Variants in KLRG1 observed in about 807,000 individuals in gnomAD.
KLRG1 encodes the protein killer cell lectin like receptor G1.
Under a neutral mutation model 21.8 loss-of-function variants are expected in KLRG1, and 16 were observed. The ratio of observed to expected loss-of-function variants is 0.73; its 90% CI spans 0.50 to 1.11. KLRG1 has a LOEUF of 1.11. KLRG1 is among the 50% of genes most tolerant of loss of function. The pLI, the probability that KLRG1 is intolerant of heterozygous loss-of-function variation, is 0.00. For missense variants in KLRG1, 173 were observed against 218.3 expected (o/e 0.79, Z 1.31); for synonymous variants, 69 against 75.9 (o/e 0.91, Z 0.47).
At chr12:9,103,146 A>G in the KLRG1 span, among the ~76,000 whole-genome samples, 3 of 152,202 alleles carry the variant, frequency 2.0e-5, no homozygotes, top group African/African-American at 7.2e-5. Flanking sequence ...ATATATATTT[A>G]AAACTAAATG....
the KLRG1 span, chr12:9,112,604 C>A: frequency 6.4e-7 from 1 of 1,561,436 alleles, no homozygotes; most frequent in Non-Finnish European, 8.8e-7. Flanking sequence ...TTTGCTGTTG[C>A]ACTCTTCCCT....
chr12:9,062,014 T>G, the KLRG1 span, among the ~76,000 whole-genome samples: 7 of 151,608 alleles, frequency 4.6e-5, no homozygotes, highest in Admixed American at 4.6e-4. Context: ...ATGGATAATA[T>G]ATCTGATATA....
At chr12:9,094,346 T>TAG in the KLRG1 span, among the ~76,000 whole-genome samples, 1 of 132,946 alleles carries the variant, frequency 7.5e-6, no homozygotes, top group African/African-American at 2.7e-5. Flanking sequence ...TGTGCATATA[T>TAG]ATATATATAT....
the KLRG1 span, among the ~76,000 whole-genome samples, chr12:9,019,411 C>T: frequency 6.6e-6 from 1 of 152,162 alleles, no homozygotes; most frequent in South Asian, 2.1e-4. Context: ...AGCAATACCA[C>T]TGCTAAGTAT....
At chr12:9,113,977 C>T in the KLRG1 span, among the ~76,000 whole-genome samples, 1 of 152,164 alleles carries the variant, frequency 6.6e-6, no homozygotes, top group African/African-American at 2.4e-5. Context: ...CACATACATA[C>T]ATACACACAT....
the KLRG1 span, chr12:9,104,114 G>T: frequency 1.0e-6 from 1 of 963,706 alleles, no homozygotes; most frequent in Non-Finnish European, 1.5e-6. Context: ...CCTTCAATCG[G>T]TTTCTAATTG....
rs755449027 is a variant in KLRG1, at chr12:8,969,143, G to C, written c.-156+18907G>C. Among the ~76,000 whole-genome samples the C allele has an allele frequency of 3.3e-5, 5 of 152,348 alleles. No homozygotes were observed. In the South Asian group the frequency reaches 8.3e-4, roughly 25 times the overall value. On this transcript the variant is annotated intron_variant, in intron 1 of 4. Coordinates refer to the KLRG1 transcript ENST00000539240. ...TGAGGGGCCTCTGAGAAACAAGTAA[G>C]GGCCCTGGGCTTCCAGGCAAAACCG... is the stretch of plus-strand genomic sequence containing the variant.
the KLRG1 span, chr12:9,079,984 G>A: frequency 3.6e-5 from 33 of 926,818 alleles, no homozygotes; most frequent in Middle Eastern, 1.7e-3. Flanking sequence ...AAGAAGAAGA[G>A]AAGAAAGAAG....
the KLRG1 span, among the ~76,000 whole-genome samples, chr12:9,173,216 A>T: frequency 1.3e-5 from 2 of 152,248 alleles, no homozygotes; most frequent in East Asian, 3.8e-4. Context: ...ACTGCTCCTG[A>T]ATGACTCTTG....
chr12:9,141,025 C>T, the KLRG1 span, among the ~76,000 whole-genome samples: 1 of 152,160 alleles, frequency 6.6e-6, no homozygotes, highest in Non-Finnish European at 1.5e-5. Flanking sequence ...AAGATTACTT[C>T]AGTCTCTAGG....
chr12:9,010,998 A>G (rs1805671), downstream of KLRG1, among the ~76,000 whole-genome samples: 36,604 of 152,084 alleles, frequency 0.24, 4,988 homozygotes, highest in East Asian at 0.37. Context: ...CTTAGTTATG[A>G]ATATTTTGGT....
the KLRG1 span, chr12:9,200,967 G>GA: frequency 6.2e-7 from 1 of 1,613,940 alleles, no homozygotes; most frequent in Non-Finnish European, 8.5e-7. Flanking sequence ...TAGGAGCCCT[G>GA]AATGGGCTCT....
At chr12:9,139,862 G>A in the KLRG1 span, among the ~76,000 whole-genome samples, 1 of 152,168 alleles carries the variant, frequency 6.6e-6, no homozygotes, top group Non-Finnish European at 1.5e-5. Flanking sequence ...TTTTGGTCAG[G>A]ACCACTCTCT....
chr12:9,172,269 A>G, the KLRG1 span, among the ~76,000 whole-genome samples: 1 of 152,192 alleles, frequency 6.6e-6, no homozygotes, highest in African/African-American at 2.4e-5. Context: ...GAGAAATAAG[A>G]TTCTTTTCAA....
the KLRG1 span, chr12:9,158,644 C>T: frequency 6.7e-7 from 1 of 1,487,414 alleles, no homozygotes. Context: ...GTTTTGTACA[C>T]ACAGGCTCCC....
the KLRG1 span, among the ~76,000 whole-genome samples, chr12:9,038,903 C>CAAAAAA: frequency 7.3e-6 from 1 of 136,902 alleles, no homozygotes; most frequent in Admixed American, 7.3e-5. Flanking sequence ...GACTCTGTCT[C>CAAAAAA]AAAAAAAAAA....
At chr12:9,052,863 A>T in the KLRG1 span, 11 of 455,356 alleles carry the variant, frequency 2.4e-5, no homozygotes, top group Admixed American at 2.6e-4. Flanking sequence ...TGCTTAAAGC[A>T]GTGCCAGGCA....
chr12:9,173,635 G>T, the KLRG1 span, among the ~76,000 whole-genome samples: 4 of 152,102 alleles, frequency 2.6e-5, no homozygotes, highest in African/African-American at 9.7e-5. Context: ...AATCAGAAAT[G>T]ATAGGGGAAT....
Position 9,009,874 on chromosome 12 carries a change from T to C in KLRG1, c.*337T>C, listed in dbSNP as rs1947592652. ...TCAAAAATATACCTTTTTCATATGA[T>C]ATTCTGAGCTAATCTGATAAAATCT... On this transcript the variant is annotated 3_prime_UTR_variant, in exon 5 of 5. Coordinates refer to ENST00000356986, the MANE Select transcript of KLRG1 (RefSeq NM_005810.4). 6.7e-7 allele frequency: 1 copy of C among 1,484,530 alleles called. No individual in the cohort carries two copies. The highest frequency in any genetic ancestry group is 8.9e-7 in the Non-Finnish European group (1 of 1,122,868). 92.0% of individuals were successfully genotyped at this position (1,484,530 alleles called of 1,614,324 possible). A position where few individuals can be genotyped will look rare whatever the true frequency, so the allele number is the denominator to read the frequency against.
Sources: gnomAD v4.1 joint callset for allele counts (sites outside exome capture counted in the v4.1 genomes callset) on GRCh38, gnomAD v4.1.1 for gene constraint, MANE v1.5 for transcripts, NCBI Gene and HGNC (gene_info 2026-07-23, HGNC 2026-07-21) for gene names.